The following CCDC17 variants were observed in gnomAD, a reference collection of about 807,000 sequenced individuals.
The protein encoded by CCDC17 is coiled-coil domain-containing protein 17.
Under a neutral mutation model 68.0 loss-of-function variants are expected in CCDC17, and 79 were observed. The ratio of observed to expected loss-of-function variants is 1.16; its 90% CI spans 0.97 to 1.40. The LOEUF is 1.40. Ranked by LOEUF, CCDC17 falls within the 40% of genes most tolerant of loss-of-function variation. The probability of loss-of-function intolerance (pLI) is 0.00; values close to 1 mark genes in which losing one functional copy is unlikely to be tolerated. For missense variants in CCDC17, 846 were observed against 811.5 expected (o/e 1.04, Z -0.52); for synonymous variants, 376 against 337.5 (o/e 1.11, Z -1.25).
Position 45,621,355 on chromosome 1 carries a change from A to G in CCDC17, c.1314T>C (p.Leu438=). The change falls in exon 10 of 13, where the codon CTT becomes CTC. Residue 438 remains leucine (L), a synonymous_variant. Transcript: ENST00000528266. Reference sequence around the variant, plus strand: ...CGGGAGCAGGAGGTGGGGGCAGGCAAAGGGCTGGGGGCAACGCTGTGGTCC... The same window carrying G: ...CGGGAGCAGGAGGTGGGGGCAGGCAGAGGGCTGGGGGCAACGCTGTGGTCC... The part of the protein sequence containing the change: ...TGRTTALPPA[L]CLPPPPAPGP... The G allele has an allele frequency of 6.3e-7, 1 of 1,590,748 alleles. No individual in the cohort carries two copies. The highest frequency in any genetic ancestry group is 8.6e-7 in the Non-Finnish European group (1 of 1,168,676).
At chr1:45,620,611 GA>G (rs1644215558) in intron 12 of CCDC17, 111 bp downstream of exon 12, 1 of 1,514,698 alleles carries the variant, frequency 6.6e-7, no homozygotes. Context: ...GATCAAACAA[GA>G]AAGCATTGGT....
At chr1:45,620,501 GT>G (rs1197156321) in intron 12 of CCDC17, 68 bp from the exon 13 acceptor site, 4 of 1,473,212 alleles carry the variant, frequency 2.7e-6, no homozygotes, top group Non-Finnish European at 3.6e-6. Context: ...TTTGGAGTTA[GT>G]TAGGCTTCCT....
Position 45,620,269 on chromosome 1 carries a change from T to C in CCDC17, c.*6A>G, listed in dbSNP as rs1644198752. On this transcript the variant is annotated 3_prime_UTR_variant, in exon 13 of 13. Transcript: ENST00000528266. ...TTCAGATGCTCATCTCCACATTCAC[T>C]TGGGTTCAGAAACTCACTGGGGGCA... The C allele has an allele frequency of 2.5e-6, 4 of 1,608,138 alleles. No homozygotes were observed. The highest frequency in any genetic ancestry group is 3.4e-5 in the Admixed American group (2 of 58,218).
Position 45,621,418 on chromosome 1 carries a change from T to TGG in CCDC17, c.1250_1251insCC (p.Arg418GlnfsTer66), listed in dbSNP as rs778057210. 1.6e-5 allele frequency: 25 copies of TGG among 1,598,140 alleles called. No individual in the cohort carries two copies. The South Asian group carries it at 2.6e-4, about 17-fold the overall frequency. The stretch of plus-strand genomic sequence containing the variant: ...GTCCATCGCGTGCCAAGCCAGTCCT[T>TGG]AGTTGCACCCAAATCCAGGAAGCCT... On this transcript the variant is annotated frameshift_variant, in exon 10 of 13. Coordinates refer to ENST00000528266, the MANE Select transcript of CCDC17 (RefSeq NM_001114938.3). LOFTEE classifies it high-confidence loss of function.
In CCDC17 at chr1:45,622,873, TCA is replaced by T. The variant is rs748753194; in HGVS notation, c.657-41_657-40del. 7 of 1,577,062 alleles carry T rather than the reference TCA, an allele frequency of 4.4e-6. No homozygotes were observed. The African/African-American group carries it at 8.1e-5, about 18-fold the overall frequency. On this transcript the variant is annotated intron_variant, in intron 4 of 12. Coordinates refer to ENST00000528266, the MANE Select transcript of CCDC17 (RefSeq NM_001114938.3). Reference sequence around the variant, plus strand: ...CGACGCGCAGGGAGACGGTAACGCATCAGAGGCCCCGGGGCTGCAGCCAGCCC... The same window carrying T: ...CGACGCGCAGGGAGACGGTAACGCATGAGGCCCCGGGGCTGCAGCCAGCCC...
rs376027421 is a variant in CCDC17, at chr1:45,622,664, C to A, written c.744G>T (p.Ala248=). 1.1e-5 allele frequency: 17 copies of A among 1,554,634 alleles called. No individual in the cohort carries two copies. The highest frequency in any genetic ancestry group is 1.4e-5 in the African/African-American group (1 of 73,324). The change falls in exon 6 of 13, where the codon GCG becomes GCT. Residue 248 remains alanine, a synonymous_variant. Coordinates refer to ENST00000528266, the MANE Select transcript of CCDC17 (RefSeq NM_001114938.3). ...CGTCTCGAATGTAGGCCTCCCGCAG[C>A]GCCCTAGGGAGTGGGGAACAGGAAG... ...NPGTLAAEIR[A]LREAYIRDGG...
rs1644305361 is a variant in CCDC17 at position 45,622,548 on chromosome 1, C to T, written c.859+1G>A. ...CGCTGGCGAGAGGCCCTCCTGTTCA[C>T]CTCTGCGGGTCTGCGACCGCTGCAG... On this transcript the variant is annotated splice_donor_variant, in intron 6 of 12. Coordinates refer to ENST00000528266, the MANE Select transcript of CCDC17 (RefSeq NM_001114938.3). LOFTEE classifies it high-confidence loss of function. The T allele has an allele frequency of 1.9e-6, 3 of 1,551,610 alleles. No individual in the cohort carries two copies. Among genetic ancestry groups the T allele is most frequent in the Non-Finnish European group, 2.6e-6 (3 of 1,147,116 alleles).
At position 45,620,252 on chromosome 1, in the gene CCDC17, CTCATCTCCACAT is replaced by C. The variant is rs1644198219; in HGVS notation, c.*11_*22del. On this transcript the variant is annotated 3_prime_UTR_variant, in exon 13 of 13. Transcript: ENST00000528266. The stretch of plus-strand genomic sequence containing the variant: ...CCCCAGTCCTGTGCATGTTCAGATG[CTCATCTCCACAT>C]TCACTTGGGTTCAGAAACTCACTGG... 1 of 1,602,818 alleles carries C rather than the reference CTCATCTCCACAT, an allele frequency of 6.2e-7. No homozygotes were observed.
rs1216291745 is a variant in CCDC17, at chr1:45,620,303, C to G, written c.1841G>C (p.Ser614Thr). ...DRDEGLGPHH[S>T]SDLPPVSF is the part of the protein sequence containing the mutation. ...GAAACTCACTGGGGGCAAGTCAGAA[C>G]TGTGGTGAGGGCCCAAACCCTCATC... The change falls in exon 13 of 13, where the codon AGT (serine) becomes ACT (threonine). Residue 614 changes from serine to threonine, a missense_variant. Physicochemically the swap from Ser to Thr is moderately conservative, Grantham distance 58 (BLOSUM62 1). Coordinates refer to ENST00000528266, the MANE Select transcript of CCDC17 (RefSeq NM_001114938.3). 5 of 1,610,110 alleles carry G rather than the reference C, an allele frequency of 3.1e-6. No individual in the cohort carries two copies. Among genetic ancestry groups the G allele is most frequent in the Non-Finnish European group, 4.2e-6 (5 of 1,178,854 alleles).
chr1:45,621,488 G>A lies in CCDC17; in HGVS notation c.1185-4C>T, dbSNP rs190359188. 7.6e-6 allele frequency: 12 copies of A among 1,581,036 alleles called. No homozygotes were observed. The Admixed American group carries it at 2.2e-4, about 29-fold the overall frequency. Reference sequence around the variant, plus strand: ...ATAGAAAATGACCAGGCCAGCCCTGGGGAACACAAGTCTTAGCACAGAAAT... The same window carrying A: ...ATAGAAAATGACCAGGCCAGCCCTGAGGAACACAAGTCTTAGCACAGAAAT... On this transcript the variant is annotated splice_polypyrimidine_tract_variant and splice_region_variant and intron_variant, in intron 9 of 12. Coordinates refer to ENST00000528266, the MANE Select transcript of CCDC17 (RefSeq NM_001114938.3).
rs976323690 is a variant in CCDC17, at chr1:45,622,634, GC to G, written c.773del (p.Gly258AlafsTer41). 4 of 1,556,344 alleles carry G rather than the reference GC, an allele frequency of 2.6e-6. No homozygotes were observed. Among genetic ancestry groups the G allele is most frequent in the Non-Finnish European group, 3.5e-6 (4 of 1,150,016 alleles). Reference sequence around the variant, plus strand: ...TCTGGCCCAGCACGCCGGGGTCCCGGCCCCCGTCTCGAATGTAGGCCTCCCG... The same window carrying G: ...TCTGGCCCAGCACGCCGGGGTCCCGGCCCCGTCTCGAATGTAGGCCTCCCG... ...ALREAYIRDGGRDPGVLGQIW... is the reference protein window; with the variant it reads ...ALREAYIRDGXRDPGVLGQIW... On this transcript the variant is annotated frameshift_variant, in exon 6 of 13. Coordinates refer to ENST00000528266, the MANE Select transcript of CCDC17 (RefSeq NM_001114938.3). LOFTEE classifies it high-confidence loss of function.
In CCDC17 at chr1:45,621,454, C is replaced by G. The variant is rs1308962913; in HGVS notation, c.1215G>C (p.Leu405=). ...AAATCCAGGAAGCCTCAAGGCCCCG[C>G]AGGAAATCATAGAAAATGACCAGGC... ...GAGLVIFYDF[L]RGLEASWIWV... is the part of the protein sequence containing the mutation. The change falls in exon 10 of 13, where the codon CTG becomes CTC. Residue 405 remains leucine, a synonymous_variant. Coordinates refer to ENST00000528266, the MANE Select transcript of CCDC17 (RefSeq NM_001114938.3). 1.3e-5 allele frequency: 21 copies of G among 1,593,914 alleles called. No individual in the cohort carries two copies. Among genetic ancestry groups the G allele is most frequent in the Non-Finnish European group, 1.8e-5 (21 of 1,170,672 alleles).
intron 8 of CCDC17, 52 bp downstream of exon 8, chr1:45,621,824 TC>T: frequency 1.3e-6 from 2 of 1,594,406 alleles, no homozygotes; most frequent in Non-Finnish European, 1.7e-6. Context: ...TCCAACCTGT[TC>T]CCCCAACCCA....
rs1158415428 is a variant in CCDC17 at position 45,620,300 on chromosome 1, G to C, written c.1844C>G (p.Ser615Cys). The C allele has an allele frequency of 6.2e-7, 1 of 1,610,536 alleles. No homozygotes were observed. The highest frequency in any genetic ancestry group is 1.3e-5 in the African/African-American group (1 of 74,858). ...RDEGLGPHHSSDLPPVSF is the reference protein window; with the variant it reads ...RDEGLGPHHSCDLPPVSF The stretch of plus-strand genomic sequence containing the variant: ...TCAGAAACTCACTGGGGGCAAGTCA[G>C]AACTGTGGTGAGGGCCCAAACCCTC... The change falls in exon 13 of 13, where the codon TCT (serine) becomes TGT (cysteine). Residue 615 changes from serine (S) to cysteine (C), a missense_variant. By Grantham distance (112) the Ser-to-Cys change is moderately radical (BLOSUM62 -1). Transcript: ENST00000528266.
chr1:45,623,147 G>A, intron 3 of CCDC17, 30 bp from the exon 4 acceptor site: 6 of 1,538,518 alleles, frequency 3.9e-6, no homozygotes, highest in Non-Finnish European at 5.3e-6. Context: ...GTCAGAACCG[G>A]CCCGAGCAAG....
chr1:45,623,391 C>G lies in CCDC17; in HGVS notation c.319G>C (p.Glu107Gln). ...SLQEMRPWIT[E>Q]VPRVFAGPWT... Reference sequence around the variant, plus strand: ...GGCCCCGCGAACACCCTGGGGACCTCTGTTATCCAGGGCCGCATTTCCTGT... The same window carrying G: ...GGCCCCGCGAACACCCTGGGGACCTGTGTTATCCAGGGCCGCATTTCCTGT... Residue 107 changes from glutamate to glutamine, a missense_variant, in exon 3 of 13, where the codon GAG (glutamate) becomes CAG (glutamine). By Grantham distance (29) the Glu-to-Gln change is conservative. Coordinates refer to ENST00000528266, the MANE Select transcript of CCDC17 (RefSeq NM_001114938.3). 1.3e-6 allele frequency: 2 copies of G among 1,550,688 alleles called. No homozygotes were observed. The highest frequency in any genetic ancestry group is 1.7e-6 in the Non-Finnish European group (2 of 1,147,002).
At position 45,620,355 on chromosome 1, in the gene CCDC17, C is replaced by T. The variant is rs1471218081; in HGVS notation, c.1789G>A (p.Glu597Lys). The change falls in exon 13 of 13, where the codon GAG becomes AAG. Residue 597 changes from glutamate (E) to lysine (K), a missense_variant. Glu to Lys is a moderately conservative substitution (Grantham distance 56). Coordinates refer to ENST00000528266, the MANE Select transcript of CCDC17 (RefSeq NM_001114938.3). The part of the protein sequence containing the change: ...GFADPPPRTE[E>K]PLSGVKDRDE... ...CTATCCTTGACTCCACTGAGGGGCTCTTCTGTACGAGGTGGGGGATCAGCA... is the reference window on the plus strand; with the variant it reads ...CTATCCTTGACTCCACTGAGGGGCTTTTCTGTACGAGGTGGGGGATCAGCA... 6.2e-7 allele frequency: 1 copy of T among 1,607,584 alleles called. No homozygotes were observed. Among genetic ancestry groups the T allele is most frequent in the South Asian group, 1.1e-5 (1 of 89,594 alleles).
At chr1:45,621,545 G>GTC (rs2148390435) in intron 9 of CCDC17, 61 bp from the exon 10 acceptor site, 2 of 1,575,682 alleles carry the variant, frequency 1.3e-6, no homozygotes, top group South Asian at 2.3e-5. Context: ...CTCCTCTCAG[G>GTC]CAGGTCCCTA....
chr1:45,623,727 G>C lies in CCDC17; in HGVS notation c.174+9C>G, dbSNP rs903952111. The C allele has an allele frequency of 6.4e-7, 1 of 1,551,100 alleles. No individual in the cohort carries two copies. The highest frequency in any genetic ancestry group is 8.7e-7 in the Non-Finnish European group (1 of 1,146,754). On this transcript the variant is annotated intron_variant, in intron 1 of 12. Transcript: ENST00000528266. ...TTGAATCCCCACCCATGGCCATGGA[G>C]GCCCTTACCGCGGCCCGCTGGGGTT...
Sources: gnomAD v4.1 joint callset for allele counts on GRCh38, gnomAD v4.1.1 for gene constraint, MANE v1.5 for transcripts, NCBI Gene and HGNC (gene_info 2026-07-23, HGNC 2026-07-21) for gene names.